Variants in EPC2 observed in about 807,000 individuals in gnomAD.
EPC2 encodes enhancer of polycomb 2, also known as enhancer of polycomb homolog 2.
EPC2 carries 14 observed loss-of-function variants against 92.1 expected under a neutral mutation model. The ratio of observed to expected loss-of-function variants is 0.15; its 90% CI spans 0.10 to 0.24. The LOEUF is 0.24. Ranked by LOEUF, EPC2 falls within the 10% of genes least tolerant of loss-of-function variation. The pLI is 1.00. For missense variants in EPC2, 755 were observed against 971.5 expected (o/e 0.78, Z 2.96); for synonymous variants, 340 against 334.7 (o/e 1.02, Z -0.17).
chr2:148,666,118 A>G (rs974214074), intron 1 of EPC2, among the ~76,000 whole-genome samples: 3 of 152,124 alleles, frequency 2.0e-5, no homozygotes, highest in African/African-American at 7.2e-5. Context: ...GTGGTGAAAG[A>G]CCAGTTTTTG....
intron 1 of EPC2, among the ~76,000 whole-genome samples, chr2:148,662,955 G>C (rs1680969973): frequency 6.6e-6 from 1 of 151,718 alleles, no homozygotes; most frequent in African/African-American, 2.4e-5. Flanking sequence ...TAAGCAGCCA[G>C]CTTTGGCTGA....
chr2:148,654,809 G>T (rs971704397), intron 1 of EPC2, among the ~76,000 whole-genome samples: 5 of 152,182 alleles, frequency 3.3e-5, no homozygotes, highest in African/African-American at 1.2e-4. Context: ...TTTTTGCTAA[G>T]AGAACTAAAT....
rs192613327 is a variant in EPC2 at position 148,759,386 on chromosome 2, C to T, written c.667-2396C>T. ...GGGATTACAGGCGTGAGCCACTGCG[C>T]CCGGCCAAAAAAAGTACTATTATAA... On this transcript the variant is annotated intron_variant, in intron 4 of 13. Transcript: ENST00000258484. Among the ~76,000 whole-genome samples the T allele has an allele frequency of 6.4e-4, 98 of 152,168 alleles. 3 individuals carry two copies. The highest frequency in any genetic ancestry group is 5.4e-3 in the Admixed American group (83 of 15,300).
At position 148,761,946 on chromosome 2, in the gene EPC2, T is replaced by G; in HGVS notation, c.815+16T>G. ...TGGAGAAAAGGTAACATTGCTCCTG[T>G]TACAACAGTAAAATGACAACTTTAC... On this transcript the variant is annotated intron_variant, in intron 5 of 13. Transcript: ENST00000258484. The G allele has an allele frequency of 6.4e-7, 1 of 1,551,298 alleles. No individual in the cohort carries two copies. The highest frequency in any genetic ancestry group is 8.6e-7 in the Non-Finnish European group (1 of 1,159,016).
intron 1 of EPC2, among the ~76,000 whole-genome samples, chr2:148,686,146 C>T (rs1681518478): frequency 6.6e-6 from 1 of 152,202 alleles, no homozygotes; most frequent in Non-Finnish European, 1.5e-5. Context: ...ATTCTCAAAC[C>T]CTGCTCCTGC....
At chr2:148,726,765 G>GTTTTTTTTT (rs201293391) in intron 2 of EPC2, among the ~76,000 whole-genome samples, 1 of 100,606 alleles carries the variant, frequency 9.9e-6, no homozygotes, top group Non-Finnish European at 2.0e-5. Context: ...TTTGTTTTTT[G>GTTTTTTTTT]TTTTTTTTTT....
chr2:148,783,745 T>C lies in EPC2; in HGVS notation c.2006T>C (p.Val669Ala). 1 of 1,591,328 alleles carries C rather than the reference T, an allele frequency of 6.3e-7. No individual in the cohort carries two copies. Among genetic ancestry groups the C allele is most frequent in the Non-Finnish European group, 8.6e-7 (1 of 1,167,912 alleles). The stretch of plus-strand genomic sequence containing the variant: ...GGCCACAACAACATAAACGGTGTTG[T>C]CCAGCCTTCAGGTACAGCTGGGGTT... ...NTGHNNINGVVQPSGTSKTLY... is the reference protein window; with the variant it reads ...NTGHNNINGVAQPSGTSKTLY... The change falls in exon 12 of 14, where the codon GTC (valine) becomes GCC (alanine). Residue 669 changes from valine (V) to alanine (A), a missense_variant. Physicochemically the swap from Val to Ala is moderately conservative, Grantham distance 64. Coordinates refer to ENST00000258484, the MANE Select transcript of EPC2 (RefSeq NM_015630.4).
chr2:148,707,716 A>G (rs1682034374), intron 2 of EPC2, among the ~76,000 whole-genome samples: 1 of 152,078 alleles, frequency 6.6e-6, no homozygotes, highest in Non-Finnish European at 1.5e-5. Context: ...GCTCAACTAG[A>G]TGGAAACTGA....
chr2:148,670,676 C>T (rs997873836), intron 1 of EPC2, among the ~76,000 whole-genome samples: 1 of 151,536 alleles, frequency 6.6e-6, no homozygotes. Context: ...GAAAAATTTC[C>T]TCTCCCCTCC....
At chr2:148,668,149 G>A (rs1222752292) in intron 1 of EPC2, among the ~76,000 whole-genome samples, 1 of 152,028 alleles carries the variant, frequency 6.6e-6, no homozygotes, top group Non-Finnish European at 1.5e-5. Flanking sequence ...CACCTGCCTC[G>A]GCCTCCCAAA....
chr2:148,760,438 A>G (rs938758304), intron 4 of EPC2, among the ~76,000 whole-genome samples: 2 of 152,298 alleles, frequency 1.3e-5, no homozygotes, highest in East Asian at 1.9e-4. Flanking sequence ...ACAATTCTGT[A>G]TATCTGTTTT....
chr2:148,676,140 T>TA (rs2105363529), intron 1 of EPC2, among the ~76,000 whole-genome samples: 1 of 151,676 alleles, frequency 6.6e-6, no homozygotes, highest in Admixed American at 6.6e-5. Flanking sequence ...TTTTTTTTTT[T>TA]AAAGTCTGCT....
At chr2:148,736,797 A>G (rs955360560) in intron 2 of EPC2, among the ~76,000 whole-genome samples, 2 of 151,960 alleles carry the variant, frequency 1.3e-5, no homozygotes, top group Non-Finnish European at 2.9e-5. Flanking sequence ...CAACAATATA[A>G]TTTTACCAAA....
At chr2:148,767,506 T>C (rs1683432588) in intron 7 of EPC2, among the ~76,000 whole-genome samples, 1 of 152,238 alleles carries the variant, frequency 6.6e-6, no homozygotes, top group South Asian at 2.1e-4. Flanking sequence ...TAAGTATTAA[T>C]GTTTACCTAT....
chr2:148,700,455 C>G (rs1280114870), intron 2 of EPC2, among the ~76,000 whole-genome samples: 2 of 151,816 alleles, frequency 1.3e-5, no homozygotes, highest in Non-Finnish European at 2.9e-5. Flanking sequence ...TGTCACCGTT[C>G]TAGCACTCGT....
chr2:148,652,204 G>A (rs1310267269), intron 1 of EPC2, among the ~76,000 whole-genome samples: 1 of 152,138 alleles, frequency 6.6e-6, no homozygotes, highest in Non-Finnish European at 1.5e-5. Flanking sequence ...CTCTCAGCTG[G>A]AGAGCTGCCC....
intron 4 of EPC2, among the ~76,000 whole-genome samples, chr2:148,759,186 G>A (rs1207760257): frequency 6.6e-6 from 1 of 152,162 alleles, no homozygotes; most frequent in Non-Finnish European, 1.5e-5. Flanking sequence ...TCTACCTCCT[G>A]GGATCAAGCG....
intron 2 of EPC2, among the ~76,000 whole-genome samples, chr2:148,700,946 C>T (rs1318853378): frequency 6.6e-6 from 1 of 152,090 alleles, no homozygotes; most frequent in East Asian, 1.9e-4. Context: ...TTTCTTTCAT[C>T]AGACTTTTGC....
intron 2 of EPC2, among the ~76,000 whole-genome samples, chr2:148,725,596 A>G (rs930269618): frequency 1.3e-5 from 2 of 152,108 alleles, no homozygotes; most frequent in African/African-American, 4.8e-5. Flanking sequence ...TAATTGTCCG[A>G]AAAATGTCCT....
Sources: allele counts gnomAD v4.1 joint callset (sites outside exome capture counted in the v4.1 genomes callset), GRCh38; gene constraint gnomAD v4.1.1; transcripts MANE v1.5; gene names NCBI Gene and HGNC (gene_info 2026-07-23, HGNC 2026-07-21).